The following TANC2 variants were observed in gnomAD, a reference collection of about 807,000 sequenced individuals.
TANC2 encodes tetratricopeptide repeat, ankyrin repeat and coiled-coil containing 2, also known as protein TANC2.
Under a neutral mutation model 210.5 loss-of-function variants are expected in TANC2, and 26 were observed. The ratio of observed to expected loss-of-function variants is 0.12; its 90% CI spans 0.09 to 0.17. The LOEUF is 0.17. Among genes scored for constraint, TANC2 ranks in the 10% least tolerant of loss-of-function variants. The probability of loss-of-function intolerance (pLI) is 1.00; values close to 1 mark genes in which losing one functional copy is unlikely to be tolerated. For synonymous variants in TANC2, 931 were observed against 967.1 expected (o/e 0.96, Z 0.69); for missense variants, 2,129 against 2,608.9 (o/e 0.82, Z 4.01).
At chr17:63,242,131 T>C (rs1320058258) in intron 8 of TANC2, among the ~76,000 whole-genome samples, 1 of 152,146 alleles carries the variant, frequency 6.6e-6, no homozygotes, top group East Asian at 1.9e-4. Context: ...TTGAAAAGAA[T>C]GTAGAATTAC....
chr17:62,992,302 C>T (rs2032909714), intron 1 of TANC2, among the ~76,000 whole-genome samples: 1 of 152,146 alleles, frequency 6.6e-6, no homozygotes, highest in Admixed American at 6.5e-5. Flanking sequence ...GTTGCATAGA[C>T]AAGATTGAGT....
chr17:63,205,765 A>C (rs1054020913), intron 7 of TANC2, among the ~76,000 whole-genome samples: 11 of 151,962 alleles, frequency 7.2e-5, no homozygotes, highest in African/African-American at 2.4e-4. Flanking sequence ...TAAAGATATA[A>C]AAATTAGGCA....
intron 3 of TANC2, among the ~76,000 whole-genome samples, chr17:63,077,261 T>A (rs1175352970): frequency 6.6e-6 from 1 of 152,220 alleles, no homozygotes; most frequent in Non-Finnish European, 1.5e-5. Context: ...GAATTCCATA[T>A]GCATTGATAC....
intron 2 of TANC2, among the ~76,000 whole-genome samples, chr17:63,032,306 C>T (rs1050866658): frequency 9.9e-5 from 15 of 152,122 alleles, no homozygotes; most frequent in African/African-American, 3.1e-4. Context: ...AAGTCAGTTA[C>T]ACTTTGGACT....
At chr17:63,220,713 A>ATATATATATATATAT (rs1302451440) in intron 7 of TANC2, among the ~76,000 whole-genome samples, 2 of 140,562 alleles carry the variant, frequency 1.4e-5, no homozygotes, top group African/African-American at 2.7e-5. Context: ...CAAAAAAAAA[A>ATATATATATATATAT]AAAAAAATAT....
chr17:63,262,260 G>A lies in TANC2; in HGVS notation c.1034-5488G>A, dbSNP rs565208693. Reference sequence around the variant, plus strand: ...CTGGAGTTCAGTGGTGCTCACTGCAGCCTCAAACTCCTGGGCTCAAGCAAT... The same window carrying A: ...CTGGAGTTCAGTGGTGCTCACTGCAACCTCAAACTCCTGGGCTCAAGCAAT... On this transcript the variant is annotated intron_variant, in intron 8 of 27. Transcript: ENST00000689528. Among the ~76,000 whole-genome samples the A allele has an allele frequency of 5.9e-5, 9 of 152,234 alleles. No homozygotes were observed. The East Asian group carries it at 1.7e-3, about 29-fold the overall frequency.
rs1256435407 is a variant in TANC2, at chr17:63,331,445, G to A, written c.1576-8656G>A. On this transcript the variant is annotated intron_variant, in intron 11 of 27. Transcript: ENST00000689528. ...ACCAACAGTATGTTATTGTGCCCAC[G>A]AAGTGGACTTGATAACAGTGAAGCA... Among the ~76,000 whole-genome samples the A allele has an allele frequency of 2.6e-5, 4 of 152,296 alleles. No individual in the cohort carries two copies. The South Asian group carries it at 6.2e-4, about 24-fold the overall frequency.
intron 8 of TANC2, among the ~76,000 whole-genome samples, chr17:63,241,166 T>C (rs1332016821): frequency 1.3e-5 from 2 of 152,204 alleles, no homozygotes; most frequent in African/African-American, 2.4e-5. Flanking sequence ...TGGGGGCTTA[T>C]TTACAGAAAG....
At chr17:63,376,860 C>T (rs2147061314) in intron 14 of TANC2, among the ~76,000 whole-genome samples, 1 of 149,590 alleles carries the variant, frequency 6.7e-6, no homozygotes, top group Non-Finnish European at 1.5e-5. Context: ...CTCTGTTGCC[C>T]AGGCTGGAGT....
At chr17:63,126,550 A>G (rs1283977838) in intron 4 of TANC2, among the ~76,000 whole-genome samples, 2 of 152,096 alleles carry the variant, frequency 1.3e-5, no homozygotes, top group Non-Finnish European at 2.9e-5. Context: ...CTGGGACTAC[A>G]GGTGCATGCC....
intron 1 of TANC2, among the ~76,000 whole-genome samples, chr17:62,974,465 G>A (rs1464500876): frequency 1.3e-5 from 2 of 152,158 alleles, no homozygotes. Flanking sequence ...GACACCTTGT[G>A]TGTAAAGTTT....
chr17:62,986,565 G>C (rs2032576027), intron 1 of TANC2, among the ~76,000 whole-genome samples: 1 of 151,374 alleles, frequency 6.6e-6, no homozygotes, highest in South Asian at 2.1e-4. Context: ...CCAGCTGCTT[G>C]GCTGGCCAGA....
intron 4 of TANC2, among the ~76,000 whole-genome samples, chr17:63,109,993 T>A (rs2037973146): frequency 6.6e-6 from 1 of 151,758 alleles, no homozygotes; most frequent in South Asian, 2.1e-4. Context: ...GCCTGTCTGA[T>A]ACCAAGATGG....
chr17:63,340,038 A>AT (rs777355220), intron 11 of TANC2, 63 bp from the exon 12 acceptor site: 1 of 1,195,870 alleles, frequency 8.4e-7, no homozygotes, highest in Non-Finnish European at 1.2e-6. Flanking sequence ...TCAATAGCTG[A>AT]TAATCATAGC....
At chr17:63,174,941 T>C (rs2040526044) in intron 5 of TANC2, among the ~76,000 whole-genome samples, 1 of 152,156 alleles carries the variant, frequency 6.6e-6, no homozygotes, top group South Asian at 2.1e-4. Context: ...TCAAGACTTG[T>C]ACACTAAAAA....
intron 4 of TANC2, among the ~76,000 whole-genome samples, chr17:63,142,381 G>A (rs1295189750): frequency 3.3e-5 from 5 of 152,016 alleles, no homozygotes; most frequent in African/African-American, 1.2e-4. Flanking sequence ...CAAATTTGTT[G>A]GCTTAAAGTT....
rs185334743 is a variant in TANC2, at chr17:63,201,108, A to C, written c.769+151A>C. On this transcript the variant is annotated intron_variant, in intron 7 of 27. Transcript: ENST00000689528. ...TCTTTTTAATGATGCTGGAGAGAGAAACCTAAGGGTAAACAAAATGAAAGG... is the reference window on the plus strand; with the variant it reads ...TCTTTTTAATGATGCTGGAGAGAGACACCTAAGGGTAAACAAAATGAAAGG... Among the ~76,000 whole-genome samples the C allele has an allele frequency of 2.2e-4, 34 of 152,298 alleles. 1 individual carries two copies. Among genetic ancestry groups the C allele is most frequent in the African/African-American group, 8.2e-4 (34 of 41,560 alleles).
chr17:63,102,766 T>C (rs527392242), intron 4 of TANC2, among the ~76,000 whole-genome samples: 1 of 152,238 alleles, frequency 6.6e-6, no homozygotes, highest in South Asian at 2.1e-4. Context: ...GAGAATGAAG[T>C]ATGAGGGACT....
At chr17:63,029,346 G>A (rs1011148491) in intron 2 of TANC2, among the ~76,000 whole-genome samples, 2 of 152,074 alleles carry the variant, frequency 1.3e-5, no homozygotes, top group Non-Finnish European at 2.9e-5. Flanking sequence ...GACCAAGAGT[G>A]TTACTTGGAA....
Sources: gnomAD v4.1 joint callset for allele counts (sites outside exome capture counted in the v4.1 genomes callset) on GRCh38, gnomAD v4.1.1 for gene constraint, MANE v1.5 for transcripts, NCBI Gene and HGNC (gene_info 2026-07-23, HGNC 2026-07-21) for gene names.